Variants in STXBP6 observed in about 807,000 individuals in gnomAD.
The protein encoded by STXBP6 is syntaxin binding protein 6.
In STXBP6, 21 loss-of-function variants were observed where a neutral mutation model predicts 26.9. The ratio of observed to expected loss-of-function variants is 0.78; its 90% CI spans 0.55 to 1.12. The LOEUF (loss-of-function observed/expected upper bound fraction) is 1.12, where lower values mean the gene tolerates loss of function less well. Among genes scored for constraint, STXBP6 ranks in the 50% most tolerant of loss-of-function variants. The pLI is 0.00. For missense variants in STXBP6, 232 were observed against 257.9 expected, an observed-to-expected ratio of 0.90 and a Z score of 0.69; for synonymous variants, 97 against 92.6, an observed-to-expected ratio of 1.05 and a Z score of -0.27.
intron 1 of STXBP6, among the ~76,000 whole-genome samples, chr14:25,042,333 C>T (rs2075656386): frequency 2.0e-5 from 3 of 152,208 alleles, no homozygotes; most frequent in Admixed American, 2.0e-4. Context: ...GGATTAGTGC[C>T]AGTCCCAAAA....
chr14:25,003,842 C>G (rs1015350876), intron 1 of STXBP6, among the ~76,000 whole-genome samples: 1 of 152,186 alleles, frequency 6.6e-6, no homozygotes, highest in Non-Finnish European at 1.5e-5. Flanking sequence ...ACAATGGCAG[C>G]AGGAAATGAT....
intron 5 of STXBP6, chr14:24,817,278 T>C (rs983382134): frequency 1.6e-4 from 24 of 152,218 alleles, no homozygotes; most frequent in African/African-American, 5.3e-4. Flanking sequence ...CCAGTGTTTG[T>C]ACAGCCCCCT....
intron 2 of STXBP6, among the ~76,000 whole-genome samples, chr14:24,883,088 ATATT>A (rs2070434195): frequency 6.6e-6 from 1 of 152,206 alleles, no homozygotes; most frequent in African/African-American, 2.4e-5. Context: ...ATGCTATAAA[ATATT>A]TAGTGACATG....
At chr14:24,952,121 CAATAT>C (rs2073189687) in intron 2 of STXBP6, among the ~76,000 whole-genome samples, 1 of 151,194 alleles carries the variant, frequency 6.6e-6, no homozygotes, top group Non-Finnish European at 1.5e-5. Flanking sequence ...GAAATAAATA[CAATAT>C]GACTGTCCAA....
At chr14:25,000,099 A>G (rs2140325641) in intron 1 of STXBP6, among the ~76,000 whole-genome samples, 1 of 150,486 alleles carries the variant, frequency 6.6e-6, no homozygotes, top group African/African-American at 2.4e-5. Context: ...GTCTTGCTCT[A>G]CCACCCAGGC....
intron 4 of STXBP6, among the ~76,000 whole-genome samples, chr14:24,841,757 CTT>C (rs749614722): frequency 6.6e-6 from 1 of 151,916 alleles, no homozygotes; most frequent in Non-Finnish European, 1.5e-5. Flanking sequence ...TTTTCTATCA[CTT>C]TGTCTTTTCA....
chr14:25,038,841 T>C (rs2075596111), intron 1 of STXBP6, among the ~76,000 whole-genome samples: 1 of 151,424 alleles, frequency 6.6e-6, no homozygotes, highest in African/African-American at 2.4e-5. Flanking sequence ...GAAAAAAAAA[T>C]AATGGTAGTT....
chr14:24,939,636 C>CTA (rs2072731921), intron 2 of STXBP6, among the ~76,000 whole-genome samples: 1 of 152,124 alleles, frequency 6.6e-6, no homozygotes, highest in Non-Finnish European at 1.5e-5. Context: ...TGTTGAAACT[C>CTA]TGTGATTCTA....
chr14:24,843,232 T>C (rs1188604823), intron 4 of STXBP6, among the ~76,000 whole-genome samples: 2 of 152,250 alleles, frequency 1.3e-5, no homozygotes, highest in Non-Finnish European at 2.9e-5. Flanking sequence ...AGTAGGGATT[T>C]AGTATGGTGA....
chr14:24,865,309 C>T (rs1416409665), intron 2 of STXBP6, among the ~76,000 whole-genome samples: 1 of 152,072 alleles, frequency 6.6e-6, no homozygotes, highest in Non-Finnish European at 1.5e-5. Context: ...GTGAGCCCTA[C>T]AATTGTACTA....
chr14:24,868,970 T>C (rs2069825767), intron 2 of STXBP6, among the ~76,000 whole-genome samples: 1 of 152,234 alleles, frequency 6.6e-6, no homozygotes, highest in Non-Finnish European at 1.5e-5. Flanking sequence ...AAAATAAAGA[T>C]AATTCTTTGT....
chr14:24,891,446 A>T (rs192771975), intron 2 of STXBP6, among the ~76,000 whole-genome samples: 1 of 152,308 alleles, frequency 6.6e-6, no homozygotes, highest in East Asian at 1.9e-4. Flanking sequence ...GACATTAGTA[A>T]ATACCACAAT....
At chr14:24,946,527 G>A (rs1034489861) in intron 2 of STXBP6, among the ~76,000 whole-genome samples, 1 of 152,210 alleles carries the variant, frequency 6.6e-6, no homozygotes, top group East Asian at 1.9e-4. Context: ...ATGCTACTGA[G>A]AGATTGGTGA....
intron 2 of STXBP6, among the ~76,000 whole-genome samples, chr14:24,950,539 A>C (rs2073129069): frequency 6.6e-6 from 1 of 152,190 alleles, no homozygotes; most frequent in Non-Finnish European, 1.5e-5. Flanking sequence ...TGGATAAATA[A>C]ATCTCACAAA....
intron 4 of STXBP6, among the ~76,000 whole-genome samples, chr14:24,855,140 C>T (rs2069283102): frequency 6.6e-6 from 1 of 151,952 alleles, no homozygotes; most frequent in African/African-American, 2.4e-5. Flanking sequence ...TCATATGAAA[C>T]ATATATACAG....
In STXBP6 at chr14:25,025,729, C is replaced by T. The variant is rs187589354; in HGVS notation, c.-33+24149G>A. ...AAGCACTACACACTGTTAAGTATCA[C>T]GAGGGACACTCATAAAAATGTCCTG... On this transcript the variant is annotated intron_variant, in intron 1 of 5. Coordinates refer to ENST00000323944, the MANE Select transcript of STXBP6 (RefSeq NM_001394410.1). Among the ~76,000 whole-genome samples the T allele has an allele frequency of 3.9e-5, 6 of 152,232 alleles. No homozygotes were observed. In the East Asian group the frequency reaches 1.2e-3, roughly 29 times the overall value.
At chr14:24,892,789 A>G (rs1012544642) in intron 2 of STXBP6, among the ~76,000 whole-genome samples, 5 of 152,202 alleles carry the variant, frequency 3.3e-5, no homozygotes, top group African/African-American at 1.2e-4. Flanking sequence ...GAGAACATCA[A>G]ATATGAGGCA....
At chr14:24,890,033 C>T (rs961423673) in intron 2 of STXBP6, among the ~76,000 whole-genome samples, 2 of 152,216 alleles carry the variant, frequency 1.3e-5, no homozygotes, top group Non-Finnish European at 2.9e-5. Flanking sequence ...CATGTTATTA[C>T]TGCCAGGATC....
chr14:25,036,086 C>T (rs970403162), intron 1 of STXBP6, among the ~76,000 whole-genome samples: 17 of 151,914 alleles, frequency 1.1e-4, no homozygotes, highest in South Asian at 2.1e-4. Flanking sequence ...GACATGGTGG[C>T]GTGTGCCTAT....
Sources: allele counts gnomAD v4.1 joint callset (sites outside exome capture counted in the v4.1 genomes callset), GRCh38; gene constraint gnomAD v4.1.1; transcripts MANE v1.5; gene names NCBI Gene and HGNC (gene_info 2026-07-23, HGNC 2026-07-21).